TET1: variants seen among roughly 807,000 people sequenced by gnomAD.
The protein encoded by TET1 is tet methylcytosine dioxygenase 1.
TET1 carries 13 observed loss-of-function variants against 148.7 expected under a neutral mutation model. The ratio of observed to expected loss-of-function variants is 0.09; its 90% CI spans 0.06 to 0.14. TET1 has a LOEUF of 0.14. TET1 is among the 10% of genes least tolerant of loss of function. The probability of loss-of-function intolerance (pLI) is 1.00; values close to 1 mark genes in which losing one functional copy is unlikely to be tolerated. For synonymous variants in TET1, 907 were observed against 937.2 expected (o/e 0.97, Z 0.59); for missense variants, 2,182 against 2,553.8 (o/e 0.85, Z 3.14).
chr10:68,691,930 G>A lies in TET1; in HGVS notation c.*116G>A. ...TCATCTCACCCATTTCAAGTCTGAG[G>A]TAAAAAAATAATAATGATAACAAAA... On this transcript the variant is annotated 3_prime_UTR_variant, in exon 12 of 12. Coordinates refer to ENST00000373644, the MANE Select transcript of TET1 (RefSeq NM_030625.3). This position sits in a 1 kb window ranked among gnomAD's most constrained non-coding sequence, Gnocchi z 4.4. 1 of 1,256,616 alleles carries A rather than the reference G, an allele frequency of 8.0e-7. No homozygotes were observed. Among genetic ancestry groups the A allele is most frequent in the Non-Finnish European group, 1.1e-6 (1 of 921,984 alleles). The allele number at this position is 1,256,616 out of a possible 1,614,324, so 77.8% of individuals were successfully genotyped here.
rs2054857087 is a variant in TET1 at position 68,646,794 on chromosome 10, T to G, written c.4065T>G (p.Asn1355Lys). The change falls in exon 4 of 12, where the codon AAT becomes AAG. Residue 1355 changes from asparagine to lysine, a missense_variant. Physicochemically the swap from Asn to Lys is moderately conservative, Grantham distance 94. Around this residue, in one of 11 missense-constraint regions of TET1, gnomAD observed 169 missense variants for 263.7 expected, o/e 0.64. Coordinates refer to ENST00000373644, the MANE Select transcript of TET1 (RefSeq NM_030625.3). ...PLPESALTLR[N>K]VNVVCSGGIT... The stretch of plus-strand genomic sequence containing the variant: ...CGGAGTCAGCACTAACTCTCAGGAA[T>G]GTAAATGTAGTGTGTTCAGGTGGAA... 1.2e-6 allele frequency: 2 copies of G among 1,614,176 alleles called. No homozygotes were observed. The highest frequency in any genetic ancestry group is 1.7e-6 in the Non-Finnish European group (2 of 1,180,042).
rs893978632 is a variant in TET1, at chr10:68,667,828, C to T, written c.4673+572C>T. Reference sequence around the variant, plus strand: ...ATGAAAGAATATTGCTGACCCAACTCACTTCTAGAGTCTGGAGGAAAGGGA... The same window carrying T: ...ATGAAAGAATATTGCTGACCCAACTTACTTCTAGAGTCTGGAGGAAAGGGA... On this transcript the variant is annotated intron_variant, in intron 7 of 11. Coordinates refer to ENST00000373644, the MANE Select transcript of TET1 (RefSeq NM_030625.3). Among the ~76,000 whole-genome samples, 15 of 151,910 alleles carry T rather than the reference C, an allele frequency of 9.9e-5. 1 individual carries two copies. Among genetic ancestry groups the T allele is most frequent in the African/African-American group, 2.7e-4 (11 of 41,380 alleles).
intron 3 of TET1, among the ~76,000 whole-genome samples, chr10:68,607,886 C>T (rs2054148079): frequency 1.3e-5 from 2 of 149,462 alleles, no homozygotes; most frequent in African/African-American, 2.5e-5. Context: ...TAAGGTTTGC[C>T]AACCAAAATG....
rs1564948551 is a variant in TET1 at position 68,573,109 on chromosome 10, C to T, written c.771C>T (p.Thr257=). ...GTGCTCCTTTTCCCCAAAGAGCAAC[C>T]CCCAAAGTTACCTCTCAAGGAAACC... ...TVCAPFPQRA[T]PKVTSQGNPS... The change falls in exon 2 of 12, where the codon ACC becomes ACT. Residue 257 remains threonine (T), a synonymous_variant. Coordinates refer to ENST00000373644, the MANE Select transcript of TET1 (RefSeq NM_030625.3). The T allele has an allele frequency of 6.2e-6, 10 of 1,614,096 alleles. No individual in the cohort carries two copies. The highest frequency in any genetic ancestry group is 8.5e-6 in the Non-Finnish European group (10 of 1,180,022).
intron 7 of TET1, among the ~76,000 whole-genome samples, chr10:68,672,487 C>CAAAAAAAAAAAAAAA (rs71483920): frequency 1.0e-4 from 5 of 49,726 alleles, no homozygotes; most frequent in African/African-American, 4.7e-4. Flanking sequence ...GACCCCATCT[C>CAAAAAAAAAAAAAAA]AAAAAAAAAA....
intron 1 of TET1, among the ~76,000 whole-genome samples, 187 bp from the exon 2 acceptor site, chr10:68,572,029 AT>A (rs1416277979): frequency 1.3e-5 from 2 of 152,128 alleles, no homozygotes; most frequent in Non-Finnish European, 2.9e-5. Flanking sequence ...AAGTGGGAAG[AT>A]TGCTTGAGCC....
At position 68,677,439 on chromosome 10, in the gene TET1, C is replaced by T. The variant is rs934875483; in HGVS notation, c.4825-3960C>T. Among the ~76,000 whole-genome samples the T allele has an allele frequency of 2.0e-5, 3 of 152,142 alleles. No homozygotes were observed. The East Asian group carries it at 5.8e-4, about 29-fold the overall frequency. ...AAACTATATTGACATGGTTAAATTC[C>T]CAAAGTGCTCCATGCTTTAGAAATG... On this transcript the variant is annotated intron_variant, in intron 8 of 11. Coordinates refer to ENST00000373644, the MANE Select transcript of TET1 (RefSeq NM_030625.3).
intron 2 of TET1, among the ~76,000 whole-genome samples, chr10:68,588,971 G>A (rs566323824): frequency 6.6e-6 from 1 of 151,992 alleles, no homozygotes; most frequent in East Asian, 1.9e-4. Context: ...AAAAATGCAG[G>A]AATTAGCTGG....
chr10:68,653,854 C>T (rs909016598), intron 6 of TET1, among the ~76,000 whole-genome samples: 1 of 152,096 alleles, frequency 6.6e-6, no homozygotes, highest in African/African-American at 2.4e-5. Context: ...CGCCTGTAAT[C>T]CTAACACTTT....
At chr10:68,684,493 AGGCAGT>A (rs2055483014) in intron 10 of TET1, among the ~76,000 whole-genome samples, 1 of 151,946 alleles carries the variant, frequency 6.6e-6, no homozygotes, top group South Asian at 2.1e-4. Context: ...AATACTAGCC[AGGCAGT>A]GGTTCATCAC....
chr10:68,577,807 C>A (rs2053750345), intron 2 of TET1, among the ~76,000 whole-genome samples: 1 of 152,054 alleles, frequency 6.6e-6, no homozygotes, highest in Admixed American at 6.6e-5. Flanking sequence ...GACACTGTCT[C>A]AAAAAACAAG....
chr10:68,585,126 T>G (rs1008885759), intron 2 of TET1, among the ~76,000 whole-genome samples: 2 of 152,172 alleles, frequency 1.3e-5, no homozygotes, highest in African/African-American at 4.8e-5. Flanking sequence ...TGCCTCAGCC[T>G]CCCGAGTAGC....
chr10:68,597,640 C>T (rs1424359056), intron 2 of TET1, among the ~76,000 whole-genome samples: 1 of 152,186 alleles, frequency 6.6e-6, no homozygotes. Flanking sequence ...ACTTGTATAC[C>T]TACTTGTACA....
intron 6 of TET1, among the ~76,000 whole-genome samples, chr10:68,661,196 A>ATT (rs974912892): frequency 0.067 from 5,259 of 78,104 alleles, 189 homozygotes; most frequent in African/African-American, 0.11. Context: ...CGCCTGGCTA[A>ATT]TTTTTTTTTT....
At chr10:68,687,006 G>C (rs1252779033) in intron 11 of TET1, among the ~76,000 whole-genome samples, 1 of 151,602 alleles carries the variant, frequency 6.6e-6, no homozygotes, top group Non-Finnish European at 1.5e-5. Context: ...TCCTGCCTCA[G>C]CGTCCTGCTT....
At position 68,691,999 on chromosome 10, in the gene TET1, A is replaced by T; in HGVS notation, c.*185A>T. 1.5e-6 allele frequency: 1 copy of T among 652,864 alleles called. No individual in the cohort carries two copies. Among genetic ancestry groups the T allele is most frequent in the Non-Finnish European group, 2.5e-6 (1 of 407,572 alleles). The allele number at this position is 652,864 out of a possible 1,614,324, so 40.4% of individuals were successfully genotyped here. A position where few individuals can be genotyped will look rare whatever the true frequency, so the allele number is the denominator to read the frequency against. On this transcript the variant is annotated 3_prime_UTR_variant, in exon 12 of 12. Coordinates refer to ENST00000373644, the MANE Select transcript of TET1 (RefSeq NM_030625.3). This position sits in a 1 kb window ranked among gnomAD's most constrained non-coding sequence, Gnocchi z 4.4. ...CTGTGACTATATTTTGACAATTGGT[A>T]GAAGGTGCACATTTTAAGCAAAAAT...
chr10:68,611,912 A>G (rs1490123086), intron 3 of TET1, among the ~76,000 whole-genome samples: 1 of 150,298 alleles, frequency 6.7e-6, no homozygotes, highest in Non-Finnish European at 1.5e-5. Context: ...GAAGGAAGGA[A>G]GAAAGGAAGG....
rs2055585431 is a variant in TET1 at position 68,691,112 on chromosome 10, G to A, written c.5709G>A (p.Gln1903=). The A allele has an allele frequency of 4.3e-6, 7 of 1,614,214 alleles. No homozygotes were observed. Among genetic ancestry groups the A allele is most frequent in the Non-Finnish European group, 5.9e-6 (7 of 1,180,056 alleles). The change falls in exon 12 of 12, where the codon CAG becomes CAA. Residue 1903 remains glutamine (Q), a synonymous_variant. Coordinates refer to ENST00000373644, the MANE Select transcript of TET1 (RefSeq NM_030625.3). This position sits in a 1 kb window ranked among gnomAD's most constrained non-coding sequence, Gnocchi z 4.4. Reference sequence around the variant, plus strand: ...CTGCTGATGGCCCTGGCATTTCACAGCTTGGCGAAGTGGCTCCTCTCCCCA... The same window carrying A: ...CTGCTGATGGCCCTGGCATTTCACAACTTGGCGAAGTGGCTCCTCTCCCCA... The part of the protein sequence containing the change: ...AAAADGPGIS[Q]LGEVAPLPTL...
At chr10:68,636,061 G>A (rs2054646000) in intron 3 of TET1, among the ~76,000 whole-genome samples, 1 of 152,196 alleles carries the variant, frequency 6.6e-6, no homozygotes, top group Non-Finnish European at 1.5e-5. Flanking sequence ...TAATTTGGTA[G>A]AAGTTTAAGA....
Sources: gnomAD v4.1 joint callset for allele counts (sites outside exome capture counted in the v4.1 genomes callset) on GRCh38, gnomAD v4.1.1 for gene constraint, gnomAD v4.1.1 regional missense constraint, Gnocchi (gnomAD v3.1) non-coding constraint, MANE v1.5 for transcripts, NCBI Gene and HGNC (gene_info 2026-07-23, HGNC 2026-07-21) for gene names.